Variants in KIAA1549 observed in about 807,000 individuals in gnomAD.
KIAA1549 encodes KIAA1549.
Under a neutral mutation model 156.4 loss-of-function variants are expected in KIAA1549, and 70 were observed. The ratio of observed to expected loss-of-function variants is 0.45; its 90% CI spans 0.37 to 0.55. KIAA1549 has a LOEUF of 0.55. Ranked by LOEUF, KIAA1549 falls within the 20% of genes least tolerant of loss-of-function variation. KIAA1549 has a pLI of 0.00. For synonymous variants in KIAA1549, 1,103 were observed against 1,066.4 expected (o/e 1.03, Z -0.67); for missense variants, 2,428 against 2,540.9 (o/e 0.96, Z 0.96).
intron 1 of KIAA1549, among the ~76,000 whole-genome samples, chr7:138,932,070 G>C (rs1413503637): frequency 1.3e-5 from 2 of 152,168 alleles, no homozygotes; most frequent in East Asian, 3.9e-4. Context: ...CAAGCTTTTT[G>C]TTATGGGTCT....
At chr7:138,967,515 T>C (rs1178368685) in intron 1 of KIAA1549, among the ~76,000 whole-genome samples, 4 of 152,046 alleles carry the variant, frequency 2.6e-5, no homozygotes, top group Non-Finnish European at 5.9e-5. Flanking sequence ...AATAAAGATA[T>C]TGTACTCTCA....
intron 1 of KIAA1549, among the ~76,000 whole-genome samples, chr7:138,943,720 G>C (rs1444462060): frequency 1.3e-5 from 2 of 152,000 alleles, no homozygotes; most frequent in African/African-American, 4.8e-5. Flanking sequence ...GTAGTGGCGG[G>C]CACCTGTAGT....
At chr7:138,966,413 G>T (rs1364195623) in intron 1 of KIAA1549, among the ~76,000 whole-genome samples, 1 of 151,970 alleles carries the variant, frequency 6.6e-6, no homozygotes. Context: ...TACACACAGA[G>T]GAGTTTATTA....
At chr7:138,851,033 T>C (rs1426399712) in intron 17 of KIAA1549, among the ~76,000 whole-genome samples, 1 of 152,216 alleles carries the variant, frequency 6.6e-6, no homozygotes, top group Non-Finnish European at 1.5e-5. Context: ...AATTGATTAA[T>C]CATGTTGTTC....
chr7:138,954,957 C>T (rs960845826), intron 1 of KIAA1549, among the ~76,000 whole-genome samples: 4 of 152,148 alleles, frequency 2.6e-5, no homozygotes, highest in Non-Finnish European at 4.4e-5. Flanking sequence ...CAAGCCACAC[C>T]GCCCAAGAGG....
intron 15 of KIAA1549, among the ~76,000 whole-genome samples, chr7:138,861,787 C>T (rs1201830501): frequency 6.6e-6 from 1 of 151,738 alleles, no homozygotes; most frequent in Non-Finnish European, 1.5e-5. Flanking sequence ...GGAAGGATAG[C>T]TTGAGCCCAG....
chr7:138,838,095 G>A lies in KIAA1549; in HGVS notation c.5664C>T (p.Gly1888=). ...SPLFQVPRTS[G]REPSAPSGNL... ...TCCCGGAAGGAGCTGAGGGCTCCCT[G>A]CCTGAAGTCCTTGGCACCTGAAATA... The change falls in exon 20 of 20, where the codon GGC becomes GGT. Residue 1888 remains glycine, a synonymous_variant. Coordinates refer to ENST00000422774, the MANE Select transcript of KIAA1549 (RefSeq NM_001164665.2). 1 of 1,568,362 alleles carries A rather than the reference G, an allele frequency of 6.4e-7. No individual in the cohort carries two copies. Among genetic ancestry groups the A allele is most frequent in the Non-Finnish European group, 8.6e-7 (1 of 1,160,000 alleles).
intron 16 of KIAA1549, among the ~76,000 whole-genome samples, chr7:138,853,953 T>G (rs1810304594): frequency 6.6e-6 from 1 of 152,138 alleles, no homozygotes; most frequent in South Asian, 2.1e-4. Context: ...AGAAAAACAA[T>G]GAAAAATAGC....
chr7:138,961,076 C>A (rs958090452), intron 1 of KIAA1549, among the ~76,000 whole-genome samples: 1 of 152,234 alleles, frequency 6.6e-6, no homozygotes, highest in Non-Finnish European at 1.5e-5. Flanking sequence ...AGCCATCTGT[C>A]CTGCACTTGG....
chr7:138,874,617 A>G (rs1017201610), intron 12 of KIAA1549, among the ~76,000 whole-genome samples: 1 of 152,204 alleles, frequency 6.6e-6, no homozygotes, highest in Non-Finnish European at 1.5e-5. Flanking sequence ...GAAGCTGGAA[A>G]GTTGATCTAG....
chr7:138,873,599 T>TAA (rs57051860), intron 12 of KIAA1549, among the ~76,000 whole-genome samples: 1,692 of 105,716 alleles, frequency 0.016, 56 homozygotes, highest in African/African-American at 0.059. Context: ...TGACAGGCAT[T>TAA]AAAAAAAAAA....
intron 18 of KIAA1549, among the ~76,000 whole-genome samples, chr7:138,843,109 T>C (rs1042600282): frequency 6.6e-5 from 10 of 152,210 alleles, no homozygotes; most frequent in African/African-American, 2.4e-4. Context: ...CTAATATTTA[T>C]TGAAAGTTTA....
Position 138,978,385 on chromosome 7 carries a change from G to A in KIAA1549, c.187+2698C>T, listed in dbSNP as rs115403978. On this transcript the variant is annotated intron_variant, in intron 1 of 19. Transcript: ENST00000422774. The stretch of plus-strand genomic sequence containing the variant: ...CATGATTCTTTGTTTTTATACTGTG[G>A]ATGGCTAATCACTTAAGAGCAATGC... Among the ~76,000 whole-genome samples the A allele has an allele frequency of 8.2e-3, 1,254 of 152,194 alleles. 17 individuals carry two copies. Among genetic ancestry groups the A allele is most frequent in the African/African-American group, 0.029 (1,189 of 41,506 alleles).
intron 2 of KIAA1549, 36 bp downstream of exon 2, chr7:138,916,712 C>T (rs370491243): frequency 3.7e-6 from 6 of 1,606,600 alleles, no homozygotes; most frequent in Admixed American, 1.7e-5. Context: ...AGAAAGATTG[C>T]CCACCCCAGA....
rs73168938 is a variant in KIAA1549, at chr7:138,891,750, C to T, written c.4032+2592G>A. Among the ~76,000 whole-genome samples the T allele has an allele frequency of 4.7e-3, 719 of 152,118 alleles. 1 individual carries two copies. Among genetic ancestry groups the T allele is most frequent in the Non-Finnish European group, 7.7e-3 (521 of 67,998 alleles). On this transcript the variant is annotated intron_variant, in intron 10 of 19. Coordinates refer to ENST00000422774, the MANE Select transcript of KIAA1549 (RefSeq NM_001164665.2). ...GAGGCGCATCAGGAGGTGGGGAGAG[C>T]AGAACGGAGAGAGAGACAACAGCCA...
chr7:138,835,466 T>TACGGTCAGCCCAATTTGAA lies in KIAA1549; in HGVS notation c.*2421_*2439dup. ...GTTTGAAAGACATCAAAATTGCTTT[T>TACGGTCAGCCCAATTTGAA]ACGGTCAGCCCAATTTGAAACAGAA... On this transcript the variant is annotated 3_prime_UTR_variant, in exon 20 of 20. Transcript: ENST00000422774. 1 of 217,994 alleles carries TACGGTCAGCCCAATTTGAA rather than the reference T, an allele frequency of 4.6e-6. No homozygotes were observed. The allele number at this position is 217,994 out of a possible 1,614,324, so 13.5% of individuals were successfully genotyped here. A position where few individuals can be genotyped will look rare whatever the true frequency, so the allele number is the denominator to read the frequency against.
Position 138,837,597 on chromosome 7 carries a change from A to G in KIAA1549, c.*309T>C, listed in dbSNP as rs550236632. On this transcript the variant is annotated 3_prime_UTR_variant, in exon 20 of 20. Coordinates refer to ENST00000422774, the MANE Select transcript of KIAA1549 (RefSeq NM_001164665.2). ...TCTATACAGTTTAATCTCTACCTTT[A>G]AAAAAGAGACGAATGCAGTCATTTT... 297 of 524,326 alleles carry G rather than the reference A, an allele frequency of 5.7e-4. No homozygotes were observed. The highest frequency in any genetic ancestry group is 2.4e-3 in the Middle Eastern group (5 of 2,062). The allele number at this position is 524,326 out of a possible 1,614,324, so 32.5% of individuals were successfully genotyped here.
Position 138,950,339 on chromosome 7 carries a change from A to C in KIAA1549, c.187+30744T>G, listed in dbSNP as rs934813076. On this transcript the variant is annotated intron_variant, in intron 1 of 19. Coordinates refer to ENST00000422774, the MANE Select transcript of KIAA1549 (RefSeq NM_001164665.2). Reference sequence around the variant, plus strand: ...AACACACAACTAACAGATCGCCCTAACAAAGTTTGAAAGCCACTCAACTAA... The same window carrying C: ...AACACACAACTAACAGATCGCCCTACCAAAGTTTGAAAGCCACTCAACTAA... 3.7e-4 allele frequency among the ~76,000 whole-genome samples: 57 copies of C among 152,230 alleles called. 1 individual carries two copies. The highest frequency in any genetic ancestry group is 1.4e-3 in the African/African-American group (57 of 41,462).
intron 8 of KIAA1549, among the ~76,000 whole-genome samples, chr7:138,901,965 T>C (rs139289756): frequency 1.4e-5 from 1 of 72,364 alleles, no homozygotes; most frequent in Non-Finnish European, 2.8e-5. Flanking sequence ...TAGCACTGTA[T>C]TATACTTTCA....
Sources: allele counts gnomAD v4.1 joint callset (sites outside exome capture counted in the v4.1 genomes callset), GRCh38; gene constraint gnomAD v4.1.1; transcripts MANE v1.5; gene names NCBI Gene and HGNC (gene_info 2026-07-23, HGNC 2026-07-21).